The following PTBP3 variants were observed in gnomAD, a reference collection of about 807,000 sequenced individuals.
PTBP3 encodes the protein polypyrimidine tract-binding protein 3.
PTBP3 carries 20 observed loss-of-function variants against 58.7 expected under a neutral mutation model. The ratio of observed to expected loss-of-function variants is 0.34; its 90% CI spans 0.24 to 0.50. PTBP3 has a LOEUF of 0.50. Among genes scored for constraint, PTBP3 ranks in the 20% least tolerant of loss-of-function variants. The pLI is 0.98. For missense variants in PTBP3, 509 were observed against 637.2 expected, an observed-to-expected ratio of 0.80 and a Z score of 2.17; for synonymous variants, 185 against 219.8, an observed-to-expected ratio of 0.84 and a Z score of 1.40.
At chr9:112,259,681 T>G (rs996960087) in intron 5 of PTBP3, among the ~76,000 whole-genome samples, 17 of 152,196 alleles carry the variant, frequency 1.1e-4, no homozygotes, top group Admixed American at 2.6e-4. Flanking sequence ...TAAAGGAACA[T>G]TAGTTTCTAT....
chr9:112,231,979 GAGAAGAGAAGAGA>G (rs1835240393), intron 9 of PTBP3, 107 bp downstream of exon 9: 16 of 409,740 alleles, frequency 3.9e-5, no homozygotes, highest in African/African-American at 1.3e-4. Context: ...GAGAAGAGAA[GAGAAGAGAAGAGA>G]AGAGAAGAGA....
chr9:112,285,627 C>T (rs6477908), intron 2 of PTBP3, among the ~76,000 whole-genome samples: 74,061 of 152,020 alleles, frequency 0.49, 18,388 homozygotes, highest in African/African-American at 0.58. Context: ...TGTGCAGTTA[C>T]GGCATGAAAG....
chr9:112,239,223 C>A (rs1029965037), intron 7 of PTBP3, among the ~76,000 whole-genome samples: 1 of 152,070 alleles, frequency 6.6e-6, no homozygotes, highest in Non-Finnish European at 1.5e-5. Context: ...AAACTTCAAA[C>A]CAGTAGTGGA....
At chr9:112,336,502 T>A (rs1830577736), upstream of PTBP3, among the ~76,000 whole-genome samples, 1 of 103,478 alleles carries the variant, frequency 9.7e-6, no homozygotes, top group South Asian at 3.9e-4. Flanking sequence ...AAAATTTGGC[T>A]GGGCATGGTG....
intron 5 of PTBP3, among the ~76,000 whole-genome samples, chr9:112,253,345 C>A (rs570865323): frequency 6.6e-6 from 1 of 152,208 alleles, no homozygotes; most frequent in Admixed American, 6.5e-5. Flanking sequence ...GGGGTGAGCA[C>A]GAACCAGAAT....
At chr9:112,323,833 A>G (rs1288180648) in intron 1 of PTBP3, among the ~76,000 whole-genome samples, 1 of 152,216 alleles carries the variant, frequency 6.6e-6, no homozygotes, top group East Asian at 1.9e-4. Flanking sequence ...AAAGAGAGAG[A>G]GTACAGGGCA....
At chr9:112,289,792 T>C (rs906923964) in intron 2 of PTBP3, among the ~76,000 whole-genome samples, 2 of 152,198 alleles carry the variant, frequency 1.3e-5, no homozygotes, top group Non-Finnish European at 2.9e-5. Context: ...TGTGTGTGTA[T>C]ATATACATAT....
At chr9:112,235,869 A>G (rs1437983456) in intron 7 of PTBP3, among the ~76,000 whole-genome samples, 1 of 152,164 alleles carries the variant, frequency 6.6e-6, no homozygotes, top group Admixed American at 6.6e-5. Context: ...CTAGCCCTAG[A>G]AACAGGAAAG....
intron 5 of PTBP3, among the ~76,000 whole-genome samples, chr9:112,256,179 GGGAGGT>G (rs964880351): frequency 8.0e-5 from 12 of 150,938 alleles, no homozygotes; most frequent in Non-Finnish European, 1.6e-4. Flanking sequence ...GCTTGAATCT[GGGAGGT>G]GGAGGTTGCA....
chr9:112,290,683 A>AAAC (rs2132278683), intron 2 of PTBP3, among the ~76,000 whole-genome samples: 1 of 40,990 alleles, frequency 2.4e-5, no homozygotes, highest in East Asian at 5.5e-4. Flanking sequence ...AAAAAAAAAA[A>AAAC]AAAAATATAT....
At chr9:112,349,419 C>G in the PTBP3 span, among the ~76,000 whole-genome samples, 1 of 152,112 alleles carries the variant, frequency 6.6e-6, no homozygotes, top group Non-Finnish European at 1.5e-5. Context: ...AGCAAACTAT[C>G]TAACCTGAAG....
intron 1 of PTBP3, among the ~76,000 whole-genome samples, chr9:112,325,688 G>A (rs1312900838): frequency 6.6e-6 from 1 of 150,442 alleles, no homozygotes; most frequent in African/African-American, 2.4e-5. Context: ...AGACATCAAA[G>A]AGCTTTTATG....
chr9:112,249,782 A>T (rs1836029630), intron 7 of PTBP3, among the ~76,000 whole-genome samples: 1 of 151,838 alleles, frequency 6.6e-6, no homozygotes, highest in African/African-American at 2.4e-5. Context: ...GAATTCTTAA[A>T]TTTGATAGCT....
intron 7 of PTBP3, chr9:112,242,531 A>G (rs939439574): frequency 6.6e-6 from 1 of 152,198 alleles, no homozygotes; most frequent in Non-Finnish European, 1.5e-5. Flanking sequence ...TTTTATAGGT[A>G]TAAGTGTATT....
the PTBP3 span, among the ~76,000 whole-genome samples, chr9:112,376,875 A>T: frequency 6.6e-6 from 1 of 152,166 alleles, no homozygotes; most frequent in Non-Finnish European, 1.5e-5. Context: ...CAAGACCAAT[A>T]CTTTGCATCC....
At chr9:112,372,564 A>C in the PTBP3 span, among the ~76,000 whole-genome samples, 1 of 152,130 alleles carries the variant, frequency 6.6e-6, no homozygotes, top group Non-Finnish European at 1.5e-5. Flanking sequence ...GTTACTCTCT[A>C]TTGCCCCCTT....
chr9:112,239,185 A>G (rs1177900466), intron 7 of PTBP3, among the ~76,000 whole-genome samples: 1 of 152,232 alleles, frequency 6.6e-6, no homozygotes, highest in Non-Finnish European at 1.5e-5. Context: ...TGAAAGTTAA[A>G]AATCTAGATA....
chr9:112,364,947 C>A, the PTBP3 span, among the ~76,000 whole-genome samples: 2 of 152,170 alleles, frequency 1.3e-5, no homozygotes, highest in African/African-American at 4.8e-5. Context: ...CATTCCTCCA[C>A]CCCCACCACA....
chr9:112,284,359 G>C (rs540635455), intron 2 of PTBP3, among the ~76,000 whole-genome samples: 1 of 152,336 alleles, frequency 6.6e-6, no homozygotes, highest in East Asian at 1.9e-4. Context: ...GCATGCCCTA[G>C]ATGTGAGATG....
Sources: allele counts gnomAD v4.1 joint callset (sites outside exome capture counted in the v4.1 genomes callset), GRCh38; gene constraint gnomAD v4.1.1; transcripts MANE v1.5; gene names NCBI Gene and HGNC (gene_info 2026-07-23, HGNC 2026-07-21).